Variants in ZBED6 observed in about 807,000 individuals in gnomAD.
ZBED6 encodes zinc finger BED-type containing 6.
In ZBED6, 40 loss-of-function variants were observed where a neutral mutation model predicts 58.4. The ratio of observed to expected loss-of-function variants is 0.68; its 90% confidence interval spans 0.53 to 0.89. The LOEUF (loss-of-function observed/expected upper bound fraction) is 0.89, where lower values mean the gene tolerates loss of function less well. ZBED6 is among the 40% of genes least tolerant of loss of function. The pLI is 0.00. For synonymous variants in ZBED6, 439 were observed against 350.6 expected, an observed-to-expected ratio of 1.25 and a Z score of -2.82; for missense variants, 1,057 against 1,003.9, an observed-to-expected ratio of 1.05 and a Z score of -0.71.
At chr1:203,841,363 G>A (rs1322391438) in intron 11 of ZBED6, among the ~76,000 whole-genome samples, 1 of 152,038 alleles carries the variant, frequency 6.6e-6, no homozygotes, top group Non-Finnish European at 1.5e-5. Context: ...GACTCTTAAC[G>A]AGCATGCTGC....
rs993226209 is a variant in ZBED6 at position 203,833,622 on chromosome 1, T to G, written c.*3511-169T>G. On this transcript the variant is annotated intron_variant, in intron 8 of 16. Transcript: ENST00000550078. ...GTTTATTATTAATAGGTTTGGGTTT[T>G]TTTTTTTTTTTTTTGATATAATGGC... Among the ~76,000 whole-genome samples, 20 of 148,312 alleles carry G rather than the reference T, an allele frequency of 1.3e-4. No homozygotes were observed. The South Asian group carries it at 1.5e-3, about 11-fold the overall frequency.
Position 203,836,169 on chromosome 1 carries a change from G to A in ZBED6, c.*3574-1797G>A, listed in dbSNP as rs117139926. On this transcript the variant is annotated intron_variant, in intron 9 of 16. Coordinates refer to ENST00000550078, the Ensembl canonical transcript of ZBED6. ...CAGCTGAGGTTAGAGGATCCCTTGAGTCCAGGAGTTTGAGTCCAGTCTGGG... is the reference window on the plus strand; with the variant it reads ...CAGCTGAGGTTAGAGGATCCCTTGAATCCAGGAGTTTGAGTCCAGTCTGGG... Among the ~76,000 whole-genome samples, 934 of 152,246 alleles carry A rather than the reference G, an allele frequency of 6.1e-3. 36 individuals are homozygous for A. Among genetic ancestry groups the A allele is most frequent in the Admixed American group, 0.044 (670 of 15,284 alleles).
At chr1:203,828,211 T>C in intron 3 of ZBED6, 88 bp from the exon 4 acceptor site, 2 of 1,520,618 alleles carry the variant, frequency 1.3e-6, no homozygotes, top group South Asian at 1.2e-5. Flanking sequence ...TTTTGAACCC[T>C]GTATGAACTT....
intron 13 of ZBED6, 63 bp downstream of exon 13, chr1:203,848,470 T>C (rs1174860735): frequency 1.6e-6 from 2 of 1,270,374 alleles, no homozygotes; most frequent in Non-Finnish European, 2.2e-6. Context: ...ATTGGTAGTT[T>C]TACCTTACAA....
chr1:203,853,620 G>C (rs1214719201), exon 17 of ZBED6: 4 of 152,644 alleles, frequency 2.6e-5, no homozygotes, highest in Admixed American at 6.5e-5. Flanking sequence ...GGCCAGTTTT[G>C]TTTCTCATAG....
At chr1:203,813,059 T>G (rs1487807840) in intron 1 of ZBED6, among the ~76,000 whole-genome samples, 1 of 152,178 alleles carries the variant, frequency 6.6e-6, no homozygotes, top group Non-Finnish European at 1.5e-5. Context: ...GTTATATATT[T>G]TGTATATCAG....
chr1:203,799,880 T>C, exon 1 of ZBED6: 3 of 1,536,012 alleles, frequency 2.0e-6, no homozygotes, highest in East Asian at 4.9e-5. Flanking sequence ...CTCAAGGTGC[T>C]GATTTAGAAA....
chr1:203,812,861 T>A (rs1430998305), intron 1 of ZBED6, among the ~76,000 whole-genome samples: 2 of 152,090 alleles, frequency 1.3e-5, no homozygotes, highest in African/African-American at 4.8e-5. Context: ...GGATTACAAG[T>A]GTGAGCCACT....
intron 11 of ZBED6, among the ~76,000 whole-genome samples, chr1:203,841,944 C>T (rs1241597695): frequency 1.5e-5 from 2 of 135,194 alleles, no homozygotes; most frequent in Admixed American, 7.2e-5. Flanking sequence ...GGCAGAGACA[C>T]TCCTCAGTTC....
At chr1:203,851,440 C>T (rs1369132213) in intron 16 of ZBED6, among the ~76,000 whole-genome samples, 1 of 152,182 alleles carries the variant, frequency 6.6e-6, no homozygotes, top group African/African-American at 2.4e-5. Context: ...AGCAATTCTC[C>T]TGCCTCAGCT....
At chr1:203,843,005 G>C (rs1178561313) in intron 11 of ZBED6, among the ~76,000 whole-genome samples, 2 of 150,566 alleles carry the variant, frequency 1.3e-5, no homozygotes, top group African/African-American at 4.9e-5. Context: ...TATGAATGCT[G>C]TTAGCCACCT....
intron 8 of ZBED6, among the ~76,000 whole-genome samples, 165 bp from the exon 9 acceptor site, chr1:203,833,626 T>G (rs1422561908): frequency 6.7e-6 from 1 of 149,470 alleles, no homozygotes; most frequent in Admixed American, 6.7e-5. Context: ...GGGTTTTTTT[T>G]TTTTTTTTTT....
intron 1 of ZBED6, among the ~76,000 whole-genome samples, chr1:203,810,411 T>G (rs187259967): frequency 6.6e-6 from 1 of 151,240 alleles, no homozygotes; most frequent in African/African-American, 2.4e-5. Context: ...TGTTTTACAT[T>G]GTAGCTGTTA....
chr1:203,848,308 T>C, intron 12 of ZBED6, 23 bp from the exon 13 acceptor site: 2 of 1,581,184 alleles, frequency 1.3e-6, no homozygotes, highest in South Asian at 1.2e-5. Flanking sequence ...AAATAACTAA[T>C]GATGTCTTTA....
chr1:203,806,638 TC>T (rs1371020604), intron 1 of ZBED6, among the ~76,000 whole-genome samples: 1 of 152,110 alleles, frequency 6.6e-6, no homozygotes, highest in Non-Finnish European at 1.5e-5. Flanking sequence ...TACTAGAACA[TC>T]TGGAACAGTG....
exon 13 of ZBED6, chr1:203,848,391 G>A (rs1688446892): frequency 6.2e-7 from 1 of 1,610,194 alleles, no homozygotes; most frequent in Non-Finnish European, 8.5e-7. Flanking sequence ...AGCAGTATTA[G>A]AACAGAAGCT....
At chr1:203,828,508 C>CT in intron 4 of ZBED6, 86 bp downstream of exon 4, 1 of 1,464,994 alleles carries the variant, frequency 6.8e-7, no homozygotes, top group Non-Finnish European at 9.3e-7. Flanking sequence ...ACATTGACTC[C>CT]TTTCAGTCTT....
chr1:203,849,244 G>A (rs1368528739), intron 13 of ZBED6, among the ~76,000 whole-genome samples: 1 of 152,144 alleles, frequency 6.6e-6, no homozygotes, highest in Non-Finnish European at 1.5e-5. Flanking sequence ...TTAAACCCAT[G>A]TTTAGAACAT....
chr1:203,821,616 C>A (rs1367749247), intron 3 of ZBED6, among the ~76,000 whole-genome samples: 9 of 152,134 alleles, frequency 5.9e-5, no homozygotes, highest in Non-Finnish European at 1.2e-4. Context: ...GCCCTGGTTT[C>A]TTTTAGTGAA....
Sources: allele counts gnomAD v4.1 joint callset (sites outside exome capture counted in the v4.1 genomes callset), GRCh38; gene constraint gnomAD v4.1.1; transcripts MANE v1.5; gene names NCBI Gene and HGNC (gene_info 2026-07-23, HGNC 2026-07-21).